Variants in LZTFL1 observed in about 807,000 individuals in gnomAD.
LZTFL1 encodes the protein leucine zipper transcription factor-like protein 1.
Under a neutral mutation model 45.9 loss-of-function variants are expected in LZTFL1, and 25 were observed. The observed-to-expected ratio is 0.54, with a 90% CI of 0.40 to 0.76. The LOEUF (loss-of-function observed/expected upper bound fraction) is 0.76, where lower values mean the gene tolerates loss of function less well. Ranked by LOEUF, LZTFL1 falls within the 30% of genes least tolerant of loss-of-function variation. The pLI, the probability that LZTFL1 is intolerant of heterozygous loss-of-function variation, is 0.00. For synonymous variants in LZTFL1, 93 were observed against 117.4 expected (o/e 0.79, Z 1.35); for missense variants, 277 against 331.1 (o/e 0.84, Z 1.27).
At chr3:45,880,375 A>C (rs1701833695) in intron 2 of LZTFL1, among the ~76,000 whole-genome samples, 2 of 151,980 alleles carry the variant, frequency 1.3e-5, no homozygotes, top group Middle Eastern at 3.2e-3. Flanking sequence ...GGTGATGGGC[A>C]CCTGTAATCC....
At chr3:45,898,795 G>A (rs1702452039) in intron 2 of LZTFL1, among the ~76,000 whole-genome samples, 1 of 152,222 alleles carries the variant, frequency 6.6e-6, no homozygotes. Flanking sequence ...AATAAATTTA[G>A]AAAACATTGT....
chr3:45,868,190 T>A (rs12630732), intron 2 of LZTFL1, among the ~76,000 whole-genome samples: 41,177 of 146,762 alleles, frequency 0.28, 6,356 homozygotes, highest in South Asian at 0.41. Context: ...TATATATATA[T>A]AAATTTTTAA....
chr3:45,895,242 C>G (rs1162030618), intron 2 of LZTFL1: 2 of 485,636 alleles, frequency 4.1e-6, no homozygotes, highest in African/African-American at 3.9e-5. Context: ...GTGCTTAGTT[C>G]CATATGCCTG....
chr3:45,833,026 C>T (rs747431669), intron 5 of LZTFL1, 24 bp downstream of exon 5: 22 of 1,557,484 alleles, frequency 1.4e-5, no homozygotes, highest in South Asian at 1.2e-4. Flanking sequence ...AGAGACTTTC[C>T]GTTTCTCAAA....
upstream of LZTFL1, among the ~76,000 whole-genome samples, chr3:45,846,451 T>C (rs941936616): frequency 1.3e-5 from 2 of 152,162 alleles, no homozygotes; most frequent in African/African-American, 4.8e-5. Context: ...CAAGGGATAA[T>C]GGTGCTGACC....
intron 2 of LZTFL1, among the ~76,000 whole-genome samples, chr3:45,882,511 A>G (rs574569270): frequency 6.6e-6 from 1 of 152,356 alleles, no homozygotes; most frequent in African/African-American, 2.4e-5. Context: ...GTAGTTTTCA[A>G]TTTGGGGAAC....
At chr3:45,842,230 G>C (rs1017247484), upstream of LZTFL1, 23 of 1,326,590 alleles carry the variant, frequency 1.7e-5, 1 homozygote, top group Admixed American at 2.3e-4. Flanking sequence ...CATGCGCATT[G>C]GCTTCCAGGG....
intron 2 of LZTFL1, among the ~76,000 whole-genome samples, chr3:45,865,353 C>T (rs1481875309): frequency 3.3e-5 from 5 of 152,250 alleles, no homozygotes; most frequent in Non-Finnish European, 7.3e-5. Flanking sequence ...TTTACATGCA[C>T]TGATGAGGAA....
chr3:45,903,720 A>C (rs1355262726), intron 2 of LZTFL1, among the ~76,000 whole-genome samples: 1 of 152,166 alleles, frequency 6.6e-6, no homozygotes, highest in Non-Finnish European at 1.5e-5. Flanking sequence ...CCCCATCAAC[A>C]TGCTGCCCGT....
intron 2 of LZTFL1, among the ~76,000 whole-genome samples, chr3:45,893,506 C>T (rs1469545198): frequency 6.6e-6 from 1 of 152,176 alleles, no homozygotes; most frequent in Non-Finnish European, 1.5e-5. Flanking sequence ...TTCTGCTTTC[C>T]GTCAGTATAG....
chr3:45,894,142 G>A (rs1007988622), intron 2 of LZTFL1, among the ~76,000 whole-genome samples: 5 of 152,168 alleles, frequency 3.3e-5, no homozygotes, highest in Non-Finnish European at 7.3e-5. Context: ...GTTATGTAGG[G>A]GTGGGCTTTA....
chr3:45,838,308 T>C (rs940761289), intron 1 of LZTFL1, among the ~76,000 whole-genome samples: 1 of 152,162 alleles, frequency 6.6e-6, no homozygotes, highest in Non-Finnish European at 1.5e-5. Flanking sequence ...ATATGGGGTG[T>C]ACCTCTGCCC....
chr3:45,827,273 C>T (rs1383831768), intron 9 of LZTFL1, 83 bp downstream of exon 9: 5 of 1,068,948 alleles, frequency 4.7e-6, no homozygotes, highest in Non-Finnish European at 7.2e-6. Flanking sequence ...CCGGCTTGAC[C>T]TCTCTGGAAC....
At chr3:45,915,514 ACCT>A (rs1437958833) in exon 1 of LZTFL1, 3 of 455,694 alleles carry the variant, frequency 6.6e-6, no homozygotes, top group Non-Finnish European at 1.3e-5. Context: ...AGCGGGGGAG[ACCT>A]CCTGAAATCA....
chr3:45,855,132 G>C (rs1701369629), intron 3 of LZTFL1: 7 of 1,032,942 alleles, frequency 6.8e-6, no homozygotes. Context: ...ACATCAAAGG[G>C]ATATGATGAA....
chr3:45,851,916 A>AT (rs1223340375), intron 4 of LZTFL1, among the ~76,000 whole-genome samples: 2 of 151,560 alleles, frequency 1.3e-5, no homozygotes, highest in African/African-American at 4.9e-5. Context: ...ACTTTTTGAC[A>AT]TTTTTTCCCC....
chr3:45,905,404 C>T (rs1702661062), intron 2 of LZTFL1, among the ~76,000 whole-genome samples: 2 of 152,238 alleles, frequency 1.3e-5, no homozygotes, highest in African/African-American at 2.4e-5. Context: ...TTTATATTAT[C>T]AAAGCCTAAA....
At chr3:45,870,481 G>A (rs1216651565) in intron 2 of LZTFL1, among the ~76,000 whole-genome samples, 5 of 152,226 alleles carry the variant, frequency 3.3e-5, no homozygotes, top group East Asian at 1.9e-4. Context: ...ACATGTGTGC[G>A]TGTGTGTTTG....
upstream of LZTFL1, among the ~76,000 whole-genome samples, chr3:45,844,907 T>C (rs758389): frequency 0.025 from 3,751 of 152,186 alleles, 160 homozygotes; most frequent in African/African-American, 0.084. Flanking sequence ...AAAATACAAC[T>C]CCCTCTAAGA....
Sources: allele counts gnomAD v4.1 joint callset (sites outside exome capture counted in the v4.1 genomes callset), GRCh38; gene constraint gnomAD v4.1.1; transcripts MANE v1.5; gene names NCBI Gene and HGNC (gene_info 2026-07-23, HGNC 2026-07-21).